Variants in UXS1 observed in about 807,000 individuals in gnomAD.
The protein encoded by UXS1 is UDP-glucuronate decarboxylase 1.
A neutral mutation model predicts 62.6 loss-of-function variants in UXS1; 33 were observed. The observed-to-expected ratio is 0.53, with a 90% CI of 0.40 to 0.70. The LOEUF (loss-of-function observed/expected upper bound fraction) is 0.70. UXS1 is among the 30% of genes least tolerant of loss of function. The pLI is 0.00. For missense variants in UXS1, 434 were observed against 556.3 expected (o/e 0.78, Z 2.21); for synonymous variants, 213 against 206.8 (o/e 1.03, Z -0.26).
chr2:106,170,292 A>G (rs752898504), intron 1 of UXS1, among the ~76,000 whole-genome samples: 4 of 152,118 alleles, frequency 2.6e-5, no homozygotes, highest in Non-Finnish European at 4.4e-5. Flanking sequence ...ATTCTCCAGA[A>G]AGCACCTTCA....
chr2:106,166,665 T>C (rs1683231098), intron 1 of UXS1, among the ~76,000 whole-genome samples: 1 of 151,874 alleles, frequency 6.6e-6, no homozygotes, highest in African/African-American at 2.4e-5. Flanking sequence ...GGAATACCTC[T>C]TTTGGGGTCT....
At position 106,121,469 on chromosome 2, in the gene UXS1, A is replaced by G. The variant is rs555349406; in HGVS notation, c.759+1501T>C. On this transcript the variant is annotated intron_variant, in intron 9 of 14. Transcript: ENST00000283148. ...AAGCAAAAGAAAACAGTTGAGAATC[A>G]TATCACTCCTGGAACACATTCTAGA... 3.9e-5 allele frequency among the ~76,000 whole-genome samples: 6 copies of G among 152,356 alleles called. No homozygotes were observed. In the East Asian group the frequency reaches 9.6e-4, roughly 24 times the overall value.
At position 106,093,831 on chromosome 2, in the gene UXS1, T is replaced by A; in HGVS notation, c.*195A>T. 6.1e-6 allele frequency: 4 copies of A among 656,480 alleles called. No individual in the cohort carries two copies. Among genetic ancestry groups the A allele is most frequent in the Non-Finnish European group, 9.3e-6 (4 of 430,188 alleles). 40.7% of individuals were successfully genotyped at this position (656,480 alleles called of 1,614,324 possible). On this transcript the variant is annotated 3_prime_UTR_variant, in exon 15 of 15. Coordinates refer to ENST00000283148, the MANE Select transcript of UXS1 (RefSeq NM_001253875.2). ...TACATAAAAAGAGAGATTCAAAAAG[T>A]GCAAGGCAAAATCTGCAGTTTTTTG...
Position 106,194,252 on chromosome 2 carries a change from C to G in UXS1, c.-11G>C, listed in dbSNP as rs961289797. ...CGCCTTGCTCACCATCCCCGGGAGC[C>G]GCGCGGGTCCAGGGCCCTACCGCGC... is the stretch of plus-strand genomic sequence containing the variant. On this transcript the variant is annotated 5_prime_UTR_variant, in exon 1 of 15. Coordinates refer to ENST00000283148, the MANE Select transcript of UXS1 (RefSeq NM_001253875.2). 7.1e-7 allele frequency: 1 copy of G among 1,408,436 alleles called. No homozygotes were observed. Among genetic ancestry groups the G allele is most frequent in the Non-Finnish European group, 9.3e-7 (1 of 1,071,930 alleles). The allele number at this position is 1,408,436 out of a possible 1,614,324, so 87.2% of individuals were successfully genotyped here. A position where few individuals can be genotyped will look rare whatever the true frequency, so the allele number is the denominator to read the frequency against.
At chr2:106,107,672 A>C (rs928704429) in intron 10 of UXS1, among the ~76,000 whole-genome samples, 1 of 152,212 alleles carries the variant, frequency 6.6e-6, no homozygotes, top group Non-Finnish European at 1.5e-5. Flanking sequence ...AAAGGCTCCC[A>C]AAATAACCTG....
intron 1 of UXS1, among the ~76,000 whole-genome samples, chr2:106,192,629 T>C (rs925071375): frequency 6.6e-6 from 1 of 151,908 alleles, no homozygotes; most frequent in African/African-American, 2.4e-5. Flanking sequence ...GCAGCGACTA[T>C]AGAATACCCC....
chr2:106,175,273 A>G lies in UXS1; in HGVS notation c.95-9190T>C, dbSNP rs1683808112. On this transcript the variant is annotated intron_variant, in intron 1 of 14. Transcript: ENST00000283148. ...GTTCCAGAATGCTGCTGCTGCATGC[A>G]TTCCAATGCTGGACTGTTTGCTGTT... Among the ~76,000 whole-genome samples the G allele has an allele frequency of 2.6e-5, 4 of 152,232 alleles. No individual in the cohort carries two copies. In the South Asian group the frequency reaches 8.3e-4, roughly 31 times the overall value.
Position 106,093,849 on chromosome 2 carries a change from G to GT in UXS1, c.*176dup, listed in dbSNP as rs35023695. On this transcript the variant is annotated 3_prime_UTR_variant, in exon 15 of 15. Transcript: ENST00000283148. ...CAAAAAGTGCAAGGCAAAATCTGCAGTTTTTTGAGGGGAGCTTTTAGGCAC... is the reference window on the plus strand; with the variant it reads ...CAAAAAGTGCAAGGCAAAATCTGCAGTTTTTTTGAGGGGAGCTTTTAGGCAC... 6.9e-6 allele frequency: 6 copies of GT among 864,818 alleles called. No homozygotes were observed. The African/African-American group carries it at 8.9e-5, about 13-fold the overall frequency. The allele number at this position is 864,818 out of a possible 1,614,324, so 53.6% of individuals were successfully genotyped here.
chr2:106,151,798 T>C (rs1682035197), intron 5 of UXS1, among the ~76,000 whole-genome samples: 1 of 152,240 alleles, frequency 6.6e-6, no homozygotes, highest in African/African-American at 2.4e-5. Flanking sequence ...AAGAGGGACA[T>C]ACAAGTATTA....
At chr2:106,180,102 C>T (rs1684146959) in intron 1 of UXS1, among the ~76,000 whole-genome samples, 1 of 152,138 alleles carries the variant, frequency 6.6e-6, no homozygotes, top group South Asian at 2.1e-4. Flanking sequence ...GAGCGAGACT[C>T]CGTCTCAAAA....
At chr2:106,130,385 G>A (rs1295653876) in intron 6 of UXS1, among the ~76,000 whole-genome samples, 1 of 152,144 alleles carries the variant, frequency 6.6e-6, no homozygotes, top group Non-Finnish European at 1.5e-5. Context: ...AACCAAGTCA[G>A]GTAACATCTG....
intron 10 of UXS1, among the ~76,000 whole-genome samples, chr2:106,107,328 C>T (rs1018589670): frequency 6.6e-5 from 10 of 152,224 alleles, no homozygotes; most frequent in African/African-American, 1.9e-4. Context: ...ACAAGCCAGC[C>T]GAGGCCAGTC....
intron 6 of UXS1, among the ~76,000 whole-genome samples, chr2:106,131,099 G>C (rs376833937): frequency 6.7e-6 from 1 of 149,036 alleles, no homozygotes; most frequent in Non-Finnish European, 1.5e-5. Flanking sequence ...CCTGGGAAGC[G>C]CAAGGGGTCA....
At chr2:106,145,555 T>C in intron 5 of UXS1, 185 bp from the exon 6 acceptor site, 1 of 608,964 alleles carries the variant, frequency 1.6e-6, no homozygotes, top group Non-Finnish European at 2.6e-6. Flanking sequence ...AAAGAGGTCA[T>C]ACTATCTGTA....
At chr2:106,112,581 C>T in intron 10 of UXS1, 65 bp downstream of exon 10, 1 of 1,587,758 alleles carries the variant, frequency 6.3e-7, no homozygotes, top group Non-Finnish European at 8.6e-7. Flanking sequence ...ACTTATCCCT[C>T]ATCCTTTGTG....
intron 9 of UXS1, among the ~76,000 whole-genome samples, chr2:106,117,386 G>A (rs114263899): frequency 9.8e-5 from 15 of 152,294 alleles, no homozygotes; most frequent in Non-Finnish European, 1.6e-4. Context: ...CCAGAAATAT[G>A]CCTGGGAACT....
chr2:106,114,251 G>C (rs1322905326), intron 9 of UXS1, among the ~76,000 whole-genome samples: 1 of 152,172 alleles, frequency 6.6e-6, no homozygotes, highest in Non-Finnish European at 1.5e-5. Flanking sequence ...TTAACTTTTA[G>C]AAGCCAGAGT....
intron 6 of UXS1, among the ~76,000 whole-genome samples, chr2:106,144,562 T>C (rs1463955381): frequency 1.3e-5 from 2 of 152,210 alleles, no homozygotes; most frequent in Admixed American, 1.3e-4. Context: ...AACAAAACCA[T>C]TGGTATTTCT....
chr2:106,125,464 C>G (rs1558700615), intron 8 of UXS1, among the ~76,000 whole-genome samples, 156 bp downstream of exon 8: 2 of 152,222 alleles, frequency 1.3e-5, no homozygotes, highest in Non-Finnish European at 2.9e-5. Flanking sequence ...GGAAGAGGAG[C>G]TTGGCGACCC....
Sources: gnomAD v4.1 joint callset for allele counts (sites outside exome capture counted in the v4.1 genomes callset) on GRCh38, gnomAD v4.1.1 for gene constraint, MANE v1.5 for transcripts, NCBI Gene and HGNC (gene_info 2026-07-23, HGNC 2026-07-21) for gene names.